CSMD1: variants seen among roughly 807,000 people sequenced by gnomAD.
The protein encoded by CSMD1 is CUB and sushi domain-containing protein 1.
CSMD1 carries 213 observed loss-of-function variants against 417.5 expected under a neutral mutation model. The observed-to-expected ratio is 0.51, with a 90% CI of 0.46 to 0.57. CSMD1 has a LOEUF of 0.57. CSMD1 is among the 20% of genes least tolerant of loss of function. The pLI is 0.00. For missense variants in CSMD1, 6,923 were observed against 4,529.7 expected, an observed-to-expected ratio of 1.53 and a Z score of -15.17; for synonymous variants, 2,862 against 1,736.8, an observed-to-expected ratio of 1.65 and a Z score of -16.11.
intron 3 of CSMD1, among the ~76,000 whole-genome samples, chr8:4,121,741 A>T (rs965155655): frequency 1.3e-5 from 2 of 152,232 alleles, no homozygotes; most frequent in Admixed American, 1.3e-4. Context: ...CAGCAAGGAT[A>T]AAACAGCATT....
At chr8:3,534,703 T>C (rs927226892) in intron 10 of CSMD1, among the ~76,000 whole-genome samples, 2 of 152,224 alleles carry the variant, frequency 1.3e-5, no homozygotes, top group Non-Finnish European at 1.5e-5. Context: ...TTCATTCTTC[T>C]AGTCCCAGAG....
chr8:3,658,316 T>C (rs971173999), intron 7 of CSMD1, among the ~76,000 whole-genome samples: 12 of 152,028 alleles, frequency 7.9e-5, no homozygotes, highest in African/African-American at 2.4e-4. Context: ...ATTTAGCATA[T>C]AGATTTACTT....
At chr8:4,836,150 ACTT>A (rs1687201809) in intron 1 of CSMD1, among the ~76,000 whole-genome samples, 1 of 152,222 alleles carries the variant, frequency 6.6e-6, no homozygotes, top group Non-Finnish European at 1.5e-5. Flanking sequence ...TTATAAGGCT[ACTT>A]TAAAACTGGG....
chr8:3,398,896 G>C (rs1811863407), intron 16 of CSMD1, among the ~76,000 whole-genome samples: 1 of 152,110 alleles, frequency 6.6e-6, no homozygotes, highest in African/African-American at 2.4e-5. Flanking sequence ...CAACATTCTA[G>C]TGATAATGTC....
intron 3 of CSMD1, among the ~76,000 whole-genome samples, chr8:4,085,490 T>C (rs371640723): frequency 1.5e-4 from 23 of 152,354 alleles, no homozygotes; most frequent in African/African-American, 5.5e-4. Context: ...ACCCCTTGGA[T>C]ACTCCAATTC....
intron 3 of CSMD1, among the ~76,000 whole-genome samples, chr8:4,288,918 C>T (rs1164351179): frequency 6.6e-6 from 1 of 152,116 alleles, no homozygotes; most frequent in African/African-American, 2.4e-5. Flanking sequence ...AGTCCTCATT[C>T]CATATATAAC....
At chr8:4,390,721 G>C (rs183460597) in intron 3 of CSMD1, among the ~76,000 whole-genome samples, 1 of 151,844 alleles carries the variant, frequency 6.6e-6, no homozygotes, top group African/African-American at 2.4e-5. Context: ...CACCATGTTA[G>C]CCAGGATGGT....
chr8:3,587,378 C>T (rs1056242155), intron 8 of CSMD1, among the ~76,000 whole-genome samples: 3 of 152,082 alleles, frequency 2.0e-5, no homozygotes, highest in Non-Finnish European at 4.4e-5. Context: ...AAATTCTACT[C>T]ATGTTTTTAG....
At chr8:3,815,392 A>G (rs1801314285) in intron 5 of CSMD1, among the ~76,000 whole-genome samples, 3 of 152,196 alleles carry the variant, frequency 2.0e-5, no homozygotes, top group African/African-American at 7.2e-5. Context: ...ATGAAATTAA[A>G]TCTGGAATGA....
intron 2 of CSMD1, among the ~76,000 whole-genome samples, chr8:4,434,806 G>A (rs1798062268): frequency 6.6e-6 from 1 of 152,110 alleles, no homozygotes; most frequent in African/African-American, 2.4e-5. Flanking sequence ...CGCCCATGAA[G>A]CCCTACTTCA....
intron 5 of CSMD1, among the ~76,000 whole-genome samples, chr8:3,983,171 C>T (rs1397255453): frequency 1.4e-5 from 2 of 147,744 alleles, no homozygotes; most frequent in Non-Finnish European, 1.5e-5. Flanking sequence ...CGCTCTGTCA[C>T]CCAGGCTGGA....
intron 12 of CSMD1, among the ~76,000 whole-genome samples, chr8:3,447,476 T>C (rs1453205003): frequency 6.6e-6 from 1 of 152,172 alleles, no homozygotes; most frequent in African/African-American, 2.4e-5. Context: ...GTAAGAGCGA[T>C]GCATATTGCA....
intron 1 of CSMD1, among the ~76,000 whole-genome samples, chr8:4,882,687 G>C (rs1347722060): frequency 6.6e-6 from 1 of 151,828 alleles, no homozygotes; most frequent in African/African-American, 2.4e-5. Flanking sequence ...CATTTGATGT[G>C]CCGTTTATTT....
intron 5 of CSMD1, among the ~76,000 whole-genome samples, chr8:3,851,169 A>G (rs146034737): frequency 1.1e-3 from 170 of 152,328 alleles, no homozygotes; most frequent in African/African-American, 2.8e-3. Flanking sequence ...AGGATATATT[A>G]TGATATCAGT....
chr8:3,306,844 CAGAGCTTACTTT>C (rs1804896238), intron 25 of CSMD1, among the ~76,000 whole-genome samples: 1 of 28,624 alleles, frequency 3.5e-5, no homozygotes, highest in Non-Finnish European at 8.0e-5. Context: ...AAAAATATTA[CAGAGCTTACTTT>C]AAAAATATTA....
At chr8:3,279,753 A>T (rs1563218982) in intron 26 of CSMD1, among the ~76,000 whole-genome samples, 1 of 152,112 alleles carries the variant, frequency 6.6e-6, no homozygotes, top group Admixed American at 6.6e-5. Flanking sequence ...CACCTTCTTT[A>T]GAGGGTGTTA....
intron 33 of CSMD1, among the ~76,000 whole-genome samples, chr8:3,192,112 T>C (rs1272088064): frequency 6.6e-6 from 1 of 152,214 alleles, no homozygotes; most frequent in South Asian, 2.1e-4. Context: ...GATTAAACGA[T>C]GTTTCAATTT....
In CSMD1 at chr8:2,935,813, T is replaced by G. The variant is rs1032725912; in HGVS notation, c.*2772A>C. On this transcript the variant is annotated 3_prime_UTR_variant, in exon 70 of 70. Coordinates refer to ENST00000635120, the MANE Select transcript of CSMD1 (RefSeq NM_033225.6). ...CCCCCTTTTTATAATAGCTTTTTGTTGTTGTTTACAAAATATTTTACAGAA... is the reference window on the plus strand; with the variant it reads ...CCCCCTTTTTATAATAGCTTTTTGTGGTTGTTTACAAAATATTTTACAGAA... 13 of 152,200 alleles carry G rather than the reference T, an allele frequency of 8.5e-5. No homozygotes were observed. The highest frequency in any genetic ancestry group is 4.4e-5 in the Non-Finnish European group (3 of 68,034). The allele number at this position is 152,200 out of a possible 1,614,324, so 9.4% of individuals were successfully genotyped here.
chr8:3,684,747 G>A lies in CSMD1; in HGVS notation c.1009+23667C>T, dbSNP rs191509647. Reference sequence around the variant, plus strand: ...AGAGGAGTAGCTGGGACCTGATACAGTTTTAAAATAGAGTCAGAGCTTGAC... The same window carrying A: ...AGAGGAGTAGCTGGGACCTGATACAATTTTAAAATAGAGTCAGAGCTTGAC... On this transcript the variant is annotated intron_variant, in intron 7 of 69. Transcript: ENST00000635120. Among the ~76,000 whole-genome samples the A allele has an allele frequency of 1.2e-3, 183 of 152,046 alleles. 1 individual carries two copies. The highest frequency in any genetic ancestry group is 3.9e-3 in the Admixed American group (60 of 15,258).
Sources: gnomAD v4.1 joint callset for allele counts (sites outside exome capture counted in the v4.1 genomes callset) on GRCh38, gnomAD v4.1.1 for gene constraint, MANE v1.5 for transcripts, NCBI Gene and HGNC (gene_info 2026-07-23, HGNC 2026-07-21) for gene names.